The following STRN3 variants were observed in gnomAD, a reference collection of about 807,000 sequenced individuals.
The protein encoded by STRN3 is striatin 3.
In STRN3, 29 loss-of-function variants were observed where a neutral mutation model predicts 95.6. The observed-to-expected ratio is 0.30, with a 90% CI of 0.23 to 0.41. The LOEUF (loss-of-function observed/expected upper bound fraction) is 0.41. Ranked by LOEUF, STRN3 falls within the 10% of genes least tolerant of loss-of-function variation. The pLI, the probability that STRN3 is intolerant of heterozygous loss-of-function variation, is 1.00. For missense variants in STRN3, 890 were observed against 972.1 expected (o/e 0.92, Z 1.12); for synonymous variants, 331 against 357.6 (o/e 0.93, Z 0.84).
chr14:30,963,349 GTGCACATGGGACA>G (rs1252491755), intron 1 of STRN3, among the ~76,000 whole-genome samples: 1 of 152,164 alleles, frequency 6.6e-6, no homozygotes, highest in East Asian at 1.9e-4. Context: ...CACATCTTAA[GTGCACATGGGACA>G]GTCTCCAGAA....
chr14:30,909,537 G>A (rs1459960099), intron 13 of STRN3, among the ~76,000 whole-genome samples: 1 of 152,096 alleles, frequency 6.6e-6, no homozygotes, highest in African/African-American at 2.4e-5. Flanking sequence ...GAGTACACTG[G>A]CACCATCATA....
At chr14:30,956,924 C>T (rs1220162733) in intron 1 of STRN3, among the ~76,000 whole-genome samples, 5 of 152,122 alleles carry the variant, frequency 3.3e-5, no homozygotes, top group Admixed American at 6.5e-5. Flanking sequence ...TTTGGGAGGC[C>T]GAGGCAGGCA....
intron 1 of STRN3, among the ~76,000 whole-genome samples, chr14:30,996,888 A>G (rs1213445803): frequency 2.0e-5 from 3 of 152,110 alleles, no homozygotes; most frequent in Admixed American, 6.6e-5. Context: ...ATTGTAATGT[A>G]TCAGGTATTT....
chr14:30,951,408 A>C (rs1879634772), intron 3 of STRN3, among the ~76,000 whole-genome samples: 1 of 151,882 alleles, frequency 6.6e-6, no homozygotes, highest in Non-Finnish European at 1.5e-5. Flanking sequence ...TAATTTTTGT[A>C]TTTTGAAGAG....
rs368798343 is a variant in STRN3, at chr14:30,912,048, G to A, written c.1509C>T (p.Thr503=). 4 of 1,613,470 alleles carry A rather than the reference G, an allele frequency of 2.5e-6. No homozygotes were observed. Among genetic ancestry groups the A allele is most frequent in the Non-Finnish European group, 3.4e-6 (4 of 1,179,908 alleles). ...PVLVTASEDH[T]LKLWNLQKTV... The stretch of plus-strand genomic sequence containing the variant: ...TTTTTTGCAGGTTCCAAAGTTTCAG[G>A]GTATGGTCCTCAGAAGCAGTAACCA... Residue 503 remains threonine, a synonymous_variant, in exon 11 of 18, where the codon ACC becomes ACT. Coordinates refer to ENST00000357479, the MANE Select transcript of STRN3 (RefSeq NM_001083893.2).
chr14:30,984,291 A>C (rs1170902751), intron 1 of STRN3, among the ~76,000 whole-genome samples: 3 of 131,512 alleles, frequency 2.3e-5, no homozygotes, highest in Non-Finnish European at 5.2e-5. Flanking sequence ...AAAAAAAAAA[A>C]ACAGAAAAGA....
intron 1 of STRN3, among the ~76,000 whole-genome samples, chr14:30,993,605 T>G (rs1485972049): frequency 6.6e-6 from 1 of 152,202 alleles, no homozygotes; most frequent in Non-Finnish European, 1.5e-5. Context: ...TATTATAATT[T>G]AAAATATTCT....
intron 8 of STRN3, among the ~76,000 whole-genome samples, chr14:30,921,150 C>A (rs1001957362): frequency 6.6e-6 from 1 of 151,738 alleles, no homozygotes; most frequent in Non-Finnish European, 1.5e-5. Flanking sequence ...CCAAATTCTA[C>A]CCATTCCTCC....
At chr14:30,919,131 G>A in intron 8 of STRN3, 25 bp from the exon 9 acceptor site, 1 of 1,571,856 alleles carries the variant, frequency 6.4e-7, no homozygotes, top group Non-Finnish European at 8.6e-7. Flanking sequence ...CAGCAGTAGA[G>A]GTTCATTTAA....
At chr14:30,918,836 C>A (rs1896808167) in intron 9 of STRN3, 130 bp downstream of exon 9, 3 of 943,844 alleles carry the variant, frequency 3.2e-6, no homozygotes, top group East Asian at 5.8e-5. Flanking sequence ...AAGAGCTTGC[C>A]CAACACCTTC....
At chr14:31,014,882 C>T (rs890145655) in intron 1 of STRN3, 1 of 382,124 alleles carries the variant, frequency 2.6e-6, no homozygotes, top group Non-Finnish European at 4.9e-6. Flanking sequence ...GGCTAAAGTA[C>T]AATGGTGCAA....
At chr14:30,898,841 T>C (rs538597976) in intron 16 of STRN3, among the ~76,000 whole-genome samples, 1 of 152,206 alleles carries the variant, frequency 6.6e-6, no homozygotes, top group Non-Finnish European at 1.5e-5. Context: ...CTTAAGCCCT[T>C]TTACTGGCTA....
chr14:30,910,797 C>A (rs2138985628), intron 13 of STRN3, among the ~76,000 whole-genome samples: 1 of 152,082 alleles, frequency 6.6e-6, no homozygotes, highest in East Asian at 1.9e-4. Flanking sequence ...GTAACTACTA[C>A]CTAAATTAAC....
At chr14:30,977,183 G>A (rs1486207920) in intron 1 of STRN3, among the ~76,000 whole-genome samples, 1 of 151,970 alleles carries the variant, frequency 6.6e-6, no homozygotes, top group African/African-American at 2.4e-5. Flanking sequence ...CAGATATCGT[G>A]CCAGTGCACT....
At chr14:30,982,412 A>G (rs1043168238) in intron 1 of STRN3, among the ~76,000 whole-genome samples, 1 of 152,162 alleles carries the variant, frequency 6.6e-6, no homozygotes, top group Admixed American at 6.5e-5. Context: ...GGTTCAAGCA[A>G]TTCTCCTGCC....
At chr14:30,986,267 CCTCCTGAAGT>C (rs1764949955) in intron 1 of STRN3, among the ~76,000 whole-genome samples, 1 of 152,090 alleles carries the variant, frequency 6.6e-6, no homozygotes, top group Admixed American at 6.6e-5. Flanking sequence ...AAAACACTGG[CCTCCTGAAGT>C]GTTCTAAGAT....
At chr14:30,955,884 T>TA (rs1468050140) in intron 2 of STRN3, among the ~76,000 whole-genome samples, 191 bp from the exon 3 acceptor site, 1 of 152,116 alleles carries the variant, frequency 6.6e-6, no homozygotes, top group Non-Finnish European at 1.5e-5. Flanking sequence ...ACCCAAAAGT[T>TA]AAAAAAAGAT....
intron 8 of STRN3, among the ~76,000 whole-genome samples, chr14:30,921,571 T>C (rs77245917): frequency 0.046 from 7,071 of 152,302 alleles, 207 homozygotes; most frequent in East Asian, 0.082. Context: ...AGTAGTAGTC[T>C]TTACTCTATT....
Position 30,895,367 on chromosome 14 carries a change from T to C in STRN3, c.*44A>G. ...TCTGATGGCAGTGATGCAGACCCTC[T>C]TTCTGTCCAAGCAAATCTTGTTACG... On this transcript the variant is annotated 3_prime_UTR_variant, in exon 18 of 18. Coordinates refer to ENST00000357479, the MANE Select transcript of STRN3 (RefSeq NM_001083893.2). 1 of 1,552,966 alleles carries C rather than the reference T, an allele frequency of 6.4e-7. No homozygotes were observed. Among genetic ancestry groups the C allele is most frequent in the South Asian group, 1.2e-5 (1 of 82,004 alleles).
Sources: allele counts gnomAD v4.1 joint callset (sites outside exome capture counted in the v4.1 genomes callset), GRCh38; gene constraint gnomAD v4.1.1; transcripts MANE v1.5; gene names NCBI Gene and HGNC (gene_info 2026-07-23, HGNC 2026-07-21).